LVRN: variants seen among roughly 807,000 people sequenced by gnomAD.
LVRN encodes the protein laeverin.
Under a neutral mutation model 111.4 loss-of-function variants are expected in LVRN, and 99 were observed. The ratio of observed to expected loss-of-function variants is 0.89; its 90% confidence interval spans 0.76 to 1.05. LVRN has a LOEUF of 1.05. Among genes scored for constraint, LVRN ranks in the 50% least tolerant of loss-of-function variants. The pLI, the probability that LVRN is intolerant of heterozygous loss-of-function variation, is 0.00. For synonymous variants in LVRN, 488 were observed against 449.5 expected, an observed-to-expected ratio of 1.09 and a Z score of -1.08; for missense variants, 1,414 against 1,206.8, an observed-to-expected ratio of 1.17 and a Z score of -2.54.
rs773807537 is a variant in LVRN, at chr5:115,962,669, C to T, written c.52C>T (p.Leu18=). The change falls in exon 1 of 20, where the codon CTG becomes TTG. Residue 18 remains leucine (L), a synonymous_variant. Coordinates refer to ENST00000357872, the MANE Select transcript of LVRN (RefSeq NM_173800.5). ...GFYVSRAVAL[L]LAGLVAALLL... is the part of the protein sequence containing the mutation. ...CTATGTGAGCCGCGCAGTGGCCCTG[C>T]TGCTGGCTGGGCTGGTAGCCGCCCT... The T allele has an allele frequency of 2.5e-6, 4 of 1,610,156 alleles. No individual in the cohort carries two copies. The highest frequency in any genetic ancestry group is 3.4e-6 in the Non-Finnish European group (4 of 1,179,534).
At chr5:116,006,398 C>A (rs908272738) in intron 13 of LVRN, among the ~76,000 whole-genome samples, 1 of 151,984 alleles carries the variant, frequency 6.6e-6, no homozygotes, top group Non-Finnish European at 1.5e-5. Context: ...CTTTCTTTAG[C>A]CAGCCGTATT....
chr5:115,982,149 TA>T (rs772359098), intron 1 of LVRN, among the ~76,000 whole-genome samples: 65 of 152,162 alleles, frequency 4.3e-4, no homozygotes, highest in African/African-American at 1.5e-3. Flanking sequence ...TACTATAAAT[TA>T]TTGTTTTTGT....
intron 19 of LVRN, among the ~76,000 whole-genome samples, chr5:116,024,586 A>C (rs1179553667): frequency 6.6e-6 from 1 of 152,198 alleles, no homozygotes; most frequent in East Asian, 1.9e-4. Flanking sequence ...AAGCTCCGCG[A>C]ATCAAGACTC....
At chr5:116,016,118 C>A (rs963501636) in intron 18 of LVRN, among the ~76,000 whole-genome samples, 1 of 152,144 alleles carries the variant, frequency 6.6e-6, no homozygotes, top group African/African-American at 2.4e-5. Flanking sequence ...TTGCTTTCTA[C>A]ATCTTATGCA....
At position 115,983,540 on chromosome 5, in the gene LVRN, T is replaced by C. The variant is rs141085852; in HGVS notation, c.838+111T>C. ...GTATTATGGTGTATTATAATTACAG[T>C]CTACTATAATTAGGTAGAGCAGTCA... On this transcript the variant is annotated intron_variant, in intron 2 of 19. Coordinates refer to ENST00000357872, the MANE Select transcript of LVRN (RefSeq NM_173800.5). 1.1e-4 allele frequency: 133 copies of C among 1,234,968 alleles called. 1 individual carries two copies. The African/African-American group carries it at 1.6e-3, about 15-fold the overall frequency. The allele number at this position is 1,234,968 out of a possible 1,614,324, so 76.5% of individuals were successfully genotyped here.
chr5:116,012,839 T>C lies in LVRN; in HGVS notation c.2342+371T>C, dbSNP rs116571176. ...AAGCCACAGGGGAAAAGGTCCCATC[T>C]GTATTTTATTATTAACAGAAATTCA... On this transcript the variant is annotated intron_variant, in intron 15 of 19. Coordinates refer to ENST00000357872, the MANE Select transcript of LVRN (RefSeq NM_173800.5). 7.5e-3 allele frequency among the ~76,000 whole-genome samples: 1,142 copies of C among 152,348 alleles called. 14 individuals are homozygous for C. The highest frequency in any genetic ancestry group is 0.026 in the African/African-American group (1,094 of 41,580).
intron 9 of LVRN, 119 bp from the exon 10 acceptor site, chr5:116,000,948 C>A: frequency 8.6e-7 from 1 of 1,158,044 alleles, no homozygotes; most frequent in East Asian, 2.4e-5. Flanking sequence ...GGATCACCCA[C>A]TGCAGGACTA....
At chr5:115,986,051 T>C (rs1366199) in intron 3 of LVRN, among the ~76,000 whole-genome samples, 42,894 of 152,126 alleles carry the variant, frequency 0.28, 7,058 homozygotes, top group East Asian at 0.68. Context: ...AACCTAGTGA[T>C]GAATTAGTAA....
chr5:116,002,650 G>A (rs1264476986), intron 10 of LVRN, among the ~76,000 whole-genome samples, 185 bp from the exon 11 acceptor site: 2 of 152,122 alleles, frequency 1.3e-5, no homozygotes, highest in Non-Finnish European at 2.9e-5. Context: ...GTAAACAATA[G>A]CCAAAGTAAA....
intron 1 of LVRN, among the ~76,000 whole-genome samples, chr5:115,978,326 G>A (rs986641094): frequency 6.6e-6 from 1 of 152,152 alleles, no homozygotes; most frequent in African/African-American, 2.4e-5. Flanking sequence ...CTGGGAGATG[G>A]TTTTGCACAG....
rs778641858 is a variant in LVRN, at chr5:115,983,390, C to G, written c.799C>G (p.His267Asp). The G allele has an allele frequency of 6.2e-7, 1 of 1,610,080 alleles. No homozygotes were observed. Among genetic ancestry groups the G allele is most frequent in the African/African-American group, 1.3e-5 (1 of 74,646 alleles). The part of the protein sequence containing the change: ...KATFNITMIH[H>D]PSYVALSNMP... ...AACTTTTAATATTACAATGATTCAT[C>G]ATCCAAGTTATGTGGCCCTTTCCAA... is the stretch of plus-strand genomic sequence containing the variant. Residue 267 changes from histidine (H) to aspartate (D), a missense_variant, in exon 2 of 20, where the codon CAT (histidine) becomes GAT (aspartate). Coordinates refer to ENST00000357872, the MANE Select transcript of LVRN (RefSeq NM_173800.5).
At chr5:116,012,240 C>A in intron 14 of LVRN, 134 bp from the exon 15 acceptor site, 1 of 581,246 alleles carries the variant, frequency 1.7e-6, no homozygotes, top group Non-Finnish European at 3.1e-6. Context: ...TATTTAGTAA[C>A]AGATAAAGGT....
At chr5:116,006,865 G>A (rs917487747) in intron 13 of LVRN, among the ~76,000 whole-genome samples, 1 of 152,148 alleles carries the variant, frequency 6.6e-6, no homozygotes, top group African/African-American at 2.4e-5. Context: ...TACAAATACA[G>A]TGCCTTAAAC....
chr5:116,003,740 C>A (rs1212214708), intron 12 of LVRN, among the ~76,000 whole-genome samples: 1 of 152,010 alleles, frequency 6.6e-6, no homozygotes, highest in Admixed American at 6.6e-5. Context: ...TGCCACCACG[C>A]CCGGCTAATT....
At chr5:115,986,854 A>T (rs1334342170) in intron 3 of LVRN, among the ~76,000 whole-genome samples, 1 of 152,196 alleles carries the variant, frequency 6.6e-6, no homozygotes, top group Non-Finnish European at 1.5e-5. Flanking sequence ...AAATACTGTG[A>T]TTCTTTCATT....
In LVRN at chr5:115,962,582, T is replaced by C. The variant is rs894173513; in HGVS notation, c.-36T>C. On this transcript the variant is annotated 5_prime_UTR_variant, in exon 1 of 20. Transcript: ENST00000357872. ...GGGTTTTGACAGCTGCCACAGTCTC[T>C]GAGCTCCAGCCTCGCGCCTGAACCC... 1.9e-6 allele frequency: 3 copies of C among 1,567,704 alleles called. No individual in the cohort carries two copies. Among genetic ancestry groups the C allele is most frequent in the Admixed American group, 1.7e-5 (1 of 58,538 alleles).
intron 6 of LVRN, among the ~76,000 whole-genome samples, chr5:115,996,941 A>G (rs1482558949): frequency 1.3e-5 from 2 of 152,228 alleles, no homozygotes; most frequent in East Asian, 3.8e-4. Flanking sequence ...TGCATCTGCT[A>G]GGTACTGTTG....
Position 115,963,163 on chromosome 5 carries a change from G to C in LVRN, c.546G>C (p.Ala182=). The change falls in exon 1 of 20, where the codon GCG becomes GCC. Residue 182 remains alanine, a synonymous_variant. Transcript: ENST00000357872. The part of the protein sequence containing the change: ...GRVPVDDVWF[A]LDTEYMVLEL... Reference sequence around the variant, plus strand: ...TGCCCGTGGACGACGTGTGGTTCGCGCTGGACACGGAATACATGGTGCTGG... The same window carrying C: ...TGCCCGTGGACGACGTGTGGTTCGCCCTGGACACGGAATACATGGTGCTGG... 6.2e-7 allele frequency: 1 copy of C among 1,612,978 alleles called. No individual in the cohort carries two copies.
At chr5:115,983,546 A>ATAAT in intron 2 of LVRN, 117 bp downstream of exon 2, 2 of 1,150,210 alleles carry the variant, frequency 1.7e-6, no homozygotes, top group Non-Finnish European at 2.3e-6. Flanking sequence ...ACAGTCTACT[A>ATAAT]TAATTAGGTA....
Sources: gnomAD v4.1 joint callset for allele counts (sites outside exome capture counted in the v4.1 genomes callset) on GRCh38, gnomAD v4.1.1 for gene constraint, MANE v1.5 for transcripts, NCBI Gene and HGNC (gene_info 2026-07-23, HGNC 2026-07-21) for gene names.